The following ZDHHC11 variants were observed in gnomAD, a reference collection of about 807,000 sequenced individuals.
ZDHHC11 encodes the protein palmitoyltransferase ZDHHC11.
Under a neutral mutation model 51.3 loss-of-function variants are expected in ZDHHC11, and 44 were observed. That is an observed-to-expected ratio of 0.86 (90% confidence interval 0.67 to 1.10). The LOEUF is 1.10. Ranked by LOEUF, ZDHHC11 falls within the 50% of genes least tolerant of loss-of-function variation. The pLI is 0.00. For synonymous variants in ZDHHC11, 163 were observed against 222.0 expected, an observed-to-expected ratio of 0.73 and a Z score of 2.36; for missense variants, 400 against 537.7, an observed-to-expected ratio of 0.74 and a Z score of 2.53.
At chr5:799,466 A>G (rs1006378444) in intron 12 of ZDHHC11, among the ~76,000 whole-genome samples, 16 of 151,690 alleles carry the variant, frequency 1.1e-4, no homozygotes, top group Admixed American at 9.2e-4. Context: ...CTGACAGACT[A>G]AGACACGCCT....
rs374841943 is a variant in ZDHHC11 at position 836,737 on chromosome 5, C to T, written c.900+628G>A. 6.8e-4 allele frequency among the ~76,000 whole-genome samples: 100 copies of T among 147,544 alleles called. 4 individuals are homozygous for T. The highest frequency in any genetic ancestry group is 5.6e-3 in the South Asian group (26 of 4,610). On this transcript the variant is annotated intron_variant, in intron 6 of 12. Coordinates refer to ENST00000283441, the MANE Select transcript of ZDHHC11 (RefSeq NM_024786.3). ...GTTATAATAATTCATGTCACTTAAC[C>T]GGAAAGGGAACTAACTTCCTTAAGT...
chr5:849,450 G>A (rs1161041648), intron 1 of ZDHHC11, among the ~76,000 whole-genome samples: 2 of 152,154 alleles, frequency 1.3e-5, no homozygotes, highest in Non-Finnish European at 2.9e-5. Flanking sequence ...TGAGCACTGG[G>A]AGAGAAGACA....
At chr5:857,574 G>C (rs1175189868) in intron 1 of ZDHHC11, among the ~76,000 whole-genome samples, 2 of 147,258 alleles carry the variant, frequency 1.4e-5, no homozygotes, top group African/African-American at 2.5e-5. Context: ...ATGACTCCGT[G>C]GTCCCCCGAG....
chr5:854,813 CA>C (rs1747908339), upstream of ZDHHC11, among the ~76,000 whole-genome samples: 1 of 138,950 alleles, frequency 7.2e-6, no homozygotes. Context: ...ACAGACCCCA[CA>C]GAGGACAGCG....
At chr5:812,101 T>A (rs1579579104) in intron 11 of ZDHHC11, among the ~76,000 whole-genome samples, 2 of 145,072 alleles carry the variant, frequency 1.4e-5, no homozygotes, top group Non-Finnish European at 3.0e-5. Flanking sequence ...AAAAATAAGT[T>A]GAAGATGGCT....
intron 11 of ZDHHC11, among the ~76,000 whole-genome samples, chr5:804,816 G>A (rs1010194574): frequency 6.6e-6 from 1 of 150,886 alleles, no homozygotes; most frequent in Non-Finnish European, 1.5e-5. Flanking sequence ...AAAAATTGAG[G>A]GAATTCATTA....
chr5:800,569 T>A (rs999581576), intron 12 of ZDHHC11, among the ~76,000 whole-genome samples: 1 of 151,494 alleles, frequency 6.6e-6, no homozygotes, highest in Non-Finnish European at 1.5e-5. Context: ...TGCCAACTCA[T>A]GTGTGTGCCT....
intron 3 of ZDHHC11, among the ~76,000 whole-genome samples, chr5:845,100 C>T (rs1352644383): frequency 1.3e-5 from 2 of 152,296 alleles, no homozygotes; most frequent in South Asian, 2.1e-4. Context: ...CTGCCTTCCC[C>T]GCGCTCCTCC....
At chr5:823,792 G>A in intron 8 of ZDHHC11, 1 of 306,014 alleles carries the variant, frequency 3.3e-6, no homozygotes, top group Admixed American at 4.0e-5. Flanking sequence ...GAGACACTGA[G>A]GGGACTCACA....
In ZDHHC11 at chr5:828,278, G is replaced by A. The variant is rs1458686520; in HGVS notation, c.936-3027C>T. ...ACACCTTCCAGACGGGGTGGTGGCC[G>A]GGCAGAGGGGCTCCTCACTTCCCAG... On this transcript the variant is annotated intron_variant, in intron 7 of 12. Coordinates refer to ENST00000283441, the MANE Select transcript of ZDHHC11 (RefSeq NM_024786.3). Among the ~76,000 whole-genome samples the A allele has an allele frequency of 1.8e-4, 27 of 151,430 alleles. 3 individuals carry two copies. Among genetic ancestry groups the A allele is most frequent in the Admixed American group, 1.5e-3 (23 of 15,264 alleles).
upstream of ZDHHC11, among the ~76,000 whole-genome samples, chr5:851,560 G>A (rs769491548): frequency 7.9e-5 from 12 of 152,216 alleles, no homozygotes; most frequent in South Asian, 2.1e-4. Context: ...TTTGAGAAGA[G>A]AGACATTGAG....
Position 843,599 on chromosome 5 carries a change from C to G in ZDHHC11, c.628+1G>C. 1 of 1,608,208 alleles carries G rather than the reference C, an allele frequency of 6.2e-7. No individual in the cohort carries two copies. The highest frequency in any genetic ancestry group is 8.5e-7 in the Non-Finnish European group (1 of 1,176,744). ...GCCCCTTGAGAGCGGCGGCCACGTACCTTCATACCTGGGGTCCGTGCGGAG... is the reference window on the plus strand; with the variant it reads ...GCCCCTTGAGAGCGGCGGCCACGTAGCTTCATACCTGGGGTCCGTGCGGAG... On this transcript the variant is annotated splice_donor_variant, in intron 4 of 12. Coordinates refer to ENST00000283441, the MANE Select transcript of ZDHHC11 (RefSeq NM_024786.3). LOFTEE classifies it high-confidence loss of function.
At chr5:855,305 G>C (rs151162909), upstream of ZDHHC11, among the ~76,000 whole-genome samples, 4,736 of 139,520 alleles carry the variant, frequency 0.034, 108 homozygotes, top group Non-Finnish European at 0.048. Context: ...ACAGAGGACA[G>C]CGAGCCAGGG....
intron 11 of ZDHHC11, among the ~76,000 whole-genome samples, chr5:803,828 A>G (rs1427605939): frequency 6.6e-6 from 1 of 150,550 alleles, no homozygotes; most frequent in African/African-American, 2.4e-5. Context: ...AAAACCAAAA[A>G]GAAACTGGAG....
At chr5:859,132 C>T (rs890179451), upstream of ZDHHC11, among the ~76,000 whole-genome samples, 1 of 151,914 alleles carries the variant, frequency 6.6e-6, no homozygotes, top group Non-Finnish European at 1.5e-5. Context: ...ATGCAGTGGT[C>T]CATTTCCAAG....
At chr5:804,971 T>C (rs1445571131) in intron 11 of ZDHHC11, among the ~76,000 whole-genome samples, 1 of 151,378 alleles carries the variant, frequency 6.6e-6, no homozygotes, top group Non-Finnish European at 1.5e-5. Context: ...GTCAATAATA[T>C]TGTACTTTTG....
chr5:821,710 T>C (rs1345017447), intron 9 of ZDHHC11, 151 bp downstream of exon 9: 3 of 698,282 alleles, frequency 4.3e-6, no homozygotes, highest in East Asian at 2.8e-5. Context: ...GTGACAGTTT[T>C]GCTGCTCTCT....
At chr5:821,746 A>G in intron 9 of ZDHHC11, 115 bp downstream of exon 9, 1 of 1,088,440 alleles carries the variant, frequency 9.2e-7, no homozygotes, top group Non-Finnish European at 1.3e-6. Context: ...CTGGCACTTC[A>G]GGATATTTGA....
chr5:806,396 C>T (rs1402216430), intron 11 of ZDHHC11, among the ~76,000 whole-genome samples: 1 of 151,146 alleles, frequency 6.6e-6, no homozygotes, highest in Non-Finnish European at 1.5e-5. Context: ...TGAAATCAAC[C>T]AAAGATAAAG....
Sources: allele counts gnomAD v4.1 joint callset (sites outside exome capture counted in the v4.1 genomes callset), GRCh38; gene constraint gnomAD v4.1.1; transcripts MANE v1.5; gene names NCBI Gene and HGNC (gene_info 2026-07-23, HGNC 2026-07-21).